The following ADGRB3 variants were observed in gnomAD, a reference collection of about 807,000 sequenced individuals.
ADGRB3 encodes brain-specific angiogenesis inhibitor 3.
Under a neutral mutation model 193.4 loss-of-function variants are expected in ADGRB3, and 37 were observed. The observed-to-expected ratio is 0.19, with a 90% CI of 0.15 to 0.25. The LOEUF is 0.25. Among genes scored for constraint, ADGRB3 ranks in the 10% least tolerant of loss-of-function variants. The pLI, the probability that ADGRB3 is intolerant of heterozygous loss-of-function variation, is 1.00. For synonymous variants in ADGRB3, 690 were observed against 644.2 expected (o/e 1.07, Z -1.08); for missense variants, 1,637 against 1,852.9 (o/e 0.88, Z 2.14).
At chr6:69,316,644 C>T (rs1055486681) in intron 20 of ADGRB3, among the ~76,000 whole-genome samples, 1 of 151,360 alleles carries the variant, frequency 6.6e-6, no homozygotes, top group Admixed American at 6.6e-5. Flanking sequence ...TTTTTGTGGC[C>T]TGCTGAAAAC....
At chr6:68,983,062 T>A (rs1460359944) in intron 10 of ADGRB3, among the ~76,000 whole-genome samples, 2 of 152,112 alleles carry the variant, frequency 1.3e-5, no homozygotes, top group African/African-American at 4.8e-5. Context: ...AATGACAAAA[T>A]CATTGGTCTT....
intron 20 of ADGRB3, among the ~76,000 whole-genome samples, chr6:69,300,818 G>A (rs964403440): frequency 1.3e-5 from 2 of 151,748 alleles, no homozygotes; most frequent in Admixed American, 1.3e-4. Flanking sequence ...ATATGGAAGA[G>A]GACACAAACA....
intron 17 of ADGRB3, among the ~76,000 whole-genome samples, chr6:69,186,178 CAAAAAA>C (rs70987457): frequency 1.9e-5 from 2 of 107,422 alleles, no homozygotes; most frequent in Non-Finnish European, 4.0e-5. Context: ...AATGAAATAG[CAAAAAA>C]AAAAAAAAAA....
Position 68,870,757 on chromosome 6 carries a change from A to T in ADGRB3, c.758-59802A>T, listed in dbSNP as rs1765432775. ...GAGATTTAGTTTCCTCATGTTTAAT[A>T]TGAGGAGAGAAATAATACCTGCCTC... On this transcript the variant is annotated intron_variant, in intron 3 of 31. Transcript: ENST00000370598. Among the ~76,000 whole-genome samples, 2 of 152,246 alleles carry T rather than the reference A, an allele frequency of 1.3e-5. 1 individual carries two copies. Among genetic ancestry groups the T allele is most frequent in the African/African-American group, 4.8e-5 (2 of 41,454 alleles).
At chr6:68,684,908 C>T (rs563973182) in intron 3 of ADGRB3, among the ~76,000 whole-genome samples, 168 of 152,020 alleles carry the variant, frequency 1.1e-3, no homozygotes, top group Non-Finnish European at 1.8e-3. Context: ...TGGACAAACT[C>T]GGTGGGTAAA....
chr6:68,661,538 C>CATACAT (rs1424518923), intron 3 of ADGRB3, among the ~76,000 whole-genome samples: 2 of 91,826 alleles, frequency 2.2e-5, no homozygotes, highest in East Asian at 1.1e-3. Context: ...TATGTGTATA[C>CATACAT]ATATATATAT....
At chr6:68,945,729 G>T (rs1041209858) in intron 6 of ADGRB3, among the ~76,000 whole-genome samples, 4 of 152,074 alleles carry the variant, frequency 2.6e-5, no homozygotes, top group Non-Finnish European at 5.9e-5. Flanking sequence ...TGTGAACCAA[G>T]TTTCTCATAG....
intron 6 of ADGRB3, among the ~76,000 whole-genome samples, chr6:68,947,019 G>C (rs747923157): frequency 6.6e-6 from 1 of 152,006 alleles, no homozygotes; most frequent in East Asian, 1.9e-4. Flanking sequence ...CATATAAGGA[G>C]GAAGGAAAAT....
intron 3 of ADGRB3, among the ~76,000 whole-genome samples, chr6:68,759,915 T>G (rs1766364898): frequency 6.6e-6 from 1 of 152,120 alleles, no homozygotes; most frequent in Admixed American, 6.6e-5. Context: ...ATCTCATAGA[T>G]TTTTATTCAT....
intron 3 of ADGRB3, among the ~76,000 whole-genome samples, chr6:68,891,281 G>A (rs866161830): frequency 7.2e-4 from 110 of 152,224 alleles, no homozygotes; most frequent in Middle Eastern, 6.8e-3. Flanking sequence ...TGGGAGCTAC[G>A]AGATGAGGTT....
chr6:69,355,057 A>C (rs1769310005), intron 27 of ADGRB3, among the ~76,000 whole-genome samples: 1 of 152,216 alleles, frequency 6.6e-6, no homozygotes, highest in African/African-American at 2.4e-5. Context: ...ATTAGTAACT[A>C]AGACTTTACA....
intron 3 of ADGRB3, among the ~76,000 whole-genome samples, chr6:68,705,303 T>A (rs780416964): frequency 3.3e-5 from 5 of 152,060 alleles, no homozygotes; most frequent in Admixed American, 6.5e-5. Context: ...CCAGTGCTTA[T>A]CCATTGCTAT....
At chr6:69,193,737 A>G (rs1464144387) in intron 17 of ADGRB3, among the ~76,000 whole-genome samples, 1 of 152,064 alleles carries the variant, frequency 6.6e-6, no homozygotes, top group Non-Finnish European at 1.5e-5. Flanking sequence ...CCTAGAATGT[A>G]AAATAATAAC....
chr6:69,129,051 C>T (rs1561928119), intron 17 of ADGRB3, among the ~76,000 whole-genome samples: 1 of 152,146 alleles, frequency 6.6e-6, no homozygotes, highest in East Asian at 1.9e-4. Flanking sequence ...TGAAATATCA[C>T]TAGAATGTAA....
At chr6:68,946,330 T>A (rs1276073061) in intron 6 of ADGRB3, among the ~76,000 whole-genome samples, 1 of 152,092 alleles carries the variant, frequency 6.6e-6, no homozygotes, top group Non-Finnish European at 1.5e-5. Flanking sequence ...CTTCACTGGG[T>A]ATGAAAGCAT....
chr6:68,972,989 G>T (rs1007159955), intron 8 of ADGRB3, among the ~76,000 whole-genome samples: 1 of 152,204 alleles, frequency 6.6e-6, no homozygotes, highest in Admixed American at 6.5e-5. Context: ...GCTTATGAAA[G>T]TGGGGCTGGT....
At chr6:69,060,249 TCC>T (rs1491421039) in intron 15 of ADGRB3, among the ~76,000 whole-genome samples, 28 of 145,422 alleles carry the variant, frequency 1.9e-4, no homozygotes, top group East Asian at 3.9e-4. Flanking sequence ...TCTCTCTCTC[TCC>T]TCCTCTGTCT....
chr6:68,849,563 A>T (rs541027), intron 3 of ADGRB3, among the ~76,000 whole-genome samples: 67,845 of 151,704 alleles, frequency 0.45, 16,502 homozygotes, highest in East Asian at 0.6. Flanking sequence ...TTATTGTTTT[A>T]GGCAAAATTG....
intron 3 of ADGRB3, among the ~76,000 whole-genome samples, chr6:68,700,809 C>T (rs966059773): frequency 2.6e-5 from 3 of 117,132 alleles, no homozygotes; most frequent in East Asian, 2.6e-4. Context: ...CATCACACAC[C>T]GGGGCCTGTC....
Sources: gnomAD v4.1 joint callset for allele counts (sites outside exome capture counted in the v4.1 genomes callset) on GRCh38, gnomAD v4.1.1 for gene constraint, MANE v1.5 for transcripts, NCBI Gene and HGNC (gene_info 2026-07-23, HGNC 2026-07-21) for gene names.